Variants in STK39 observed in about 807,000 individuals in gnomAD.
STK39 encodes serine/threonine kinase 39.
A neutral mutation model predicts 77.8 loss-of-function variants in STK39; 20 were observed. The ratio of observed to expected loss-of-function variants is 0.26; its 90% confidence interval spans 0.18 to 0.37. STK39 has a LOEUF of 0.37. Among genes scored for constraint, STK39 ranks in the 10% least tolerant of loss-of-function variants. The probability of loss-of-function intolerance (pLI) is 1.00; values close to 1 mark genes in which losing one functional copy is unlikely to be tolerated. For missense variants in STK39, 479 were observed against 656.5 expected (o/e 0.73, Z 2.95); for synonymous variants, 246 against 234.1 (o/e 1.05, Z -0.47).
At chr2:168,234,052 T>C (rs10194006) in intron 1 of STK39, among the ~76,000 whole-genome samples, 55,268 of 152,148 alleles carry the variant, frequency 0.36, 10,420 homozygotes, top group Non-Finnish European at 0.43. Context: ...TGCAAATAGG[T>C]ACAGAGTGAA....
intron 10 of STK39, among the ~76,000 whole-genome samples, 196 bp downstream of exon 10, chr2:168,129,345 T>C (rs1687621842): frequency 6.6e-6 from 1 of 152,232 alleles, no homozygotes; most frequent in African/African-American, 2.4e-5. Flanking sequence ...GAGATTCAAA[T>C]TGTTTCCACA....
chr2:168,141,177 C>T (rs139211258), intron 5 of STK39, among the ~76,000 whole-genome samples: 2 of 152,114 alleles, frequency 1.3e-5, no homozygotes, highest in Non-Finnish European at 2.9e-5. Flanking sequence ...TTTTTCTTAA[C>T]TTTAACTCAT....
At chr2:168,036,377 TGTGCCTTTGGAGGAAAACAG>T (rs1419458532) in intron 14 of STK39, among the ~76,000 whole-genome samples, 1 of 141,180 alleles carries the variant, frequency 7.1e-6, no homozygotes, top group Non-Finnish European at 1.5e-5. Flanking sequence ...CATGTCATGA[TGTGCCTTTGGAGGAAAACAG>T]GTGCCACATT....
chr2:167,981,532 G>A (rs889518821), intron 16 of STK39, among the ~76,000 whole-genome samples: 1 of 152,172 alleles, frequency 6.6e-6, no homozygotes, highest in African/African-American at 2.4e-5. Context: ...GGTAGAAGAA[G>A]AGAAGAATTC....
At chr2:168,233,302 G>A (rs1574579276) in intron 1 of STK39, among the ~76,000 whole-genome samples, 2 of 152,222 alleles carry the variant, frequency 1.3e-5, no homozygotes, top group East Asian at 3.9e-4. Flanking sequence ...GCATATACAA[G>A]GAAAAATTTT....
chr2:168,206,234 C>T (rs1417209829), intron 1 of STK39, among the ~76,000 whole-genome samples: 1 of 152,088 alleles, frequency 6.6e-6, no homozygotes, highest in East Asian at 1.9e-4. Flanking sequence ...CTAGCACAAG[C>T]ACAGAAAAAC....
intron 10 of STK39, among the ~76,000 whole-genome samples, chr2:168,095,068 C>G (rs1430617166): frequency 6.6e-6 from 1 of 152,116 alleles, no homozygotes; most frequent in East Asian, 1.9e-4. Flanking sequence ...CTAGTACAGA[C>G]CCCCATCACC....
intron 4 of STK39, among the ~76,000 whole-genome samples, chr2:168,163,041 A>C (rs1045156988): frequency 1.3e-5 from 2 of 152,126 alleles, no homozygotes; most frequent in Non-Finnish European, 2.9e-5. Flanking sequence ...AAAAAAAGAA[A>C]AAGAAAAATA....
At chr2:168,053,157 C>T (rs899372216) in intron 14 of STK39, among the ~76,000 whole-genome samples, 6 of 152,248 alleles carry the variant, frequency 3.9e-5, no homozygotes, top group South Asian at 2.1e-4. Flanking sequence ...TTATATGATA[C>T]AATACTGAAA....
intron 14 of STK39, among the ~76,000 whole-genome samples, chr2:168,033,899 A>G (rs1432118590): frequency 1.3e-5 from 2 of 152,234 alleles, no homozygotes; most frequent in Non-Finnish European, 2.9e-5. Flanking sequence ...ACTTCATGGC[A>G]TAACTATGAG....
chr2:168,083,227 CCTT>C (rs1394913211), intron 10 of STK39, among the ~76,000 whole-genome samples: 40 of 147,788 alleles, frequency 2.7e-4, no homozygotes, highest in Admixed American at 1.2e-3. Context: ...TCCACATTCT[CCTT>C]TTTTTTTTTT....
chr2:168,081,093 C>T (rs527964009), intron 10 of STK39, among the ~76,000 whole-genome samples: 14 of 152,300 alleles, frequency 9.2e-5, no homozygotes, highest in African/African-American at 2.4e-4. Flanking sequence ...AGGCCCCACA[C>T]GGTCTCTATT....
intron 2 of STK39, among the ~76,000 whole-genome samples, chr2:168,176,326 AG>A (rs1384992294): frequency 1.3e-5 from 2 of 148,638 alleles, no homozygotes; most frequent in African/African-American, 5.1e-5. Context: ...TAAAAGGAAG[AG>A]AAAAAAAAAA....
intron 1 of STK39, among the ~76,000 whole-genome samples, chr2:168,215,130 T>C (rs1689994349): frequency 6.6e-6 from 1 of 152,160 alleles, no homozygotes; most frequent in Admixed American, 6.6e-5. Context: ...CAACAGTGTG[T>C]GCCAAACAAA....
At chr2:168,069,078 G>A (rs192310622) in intron 12 of STK39, among the ~76,000 whole-genome samples, 57 of 152,048 alleles carry the variant, frequency 3.7e-4, no homozygotes, top group African/African-American at 1.4e-3. Flanking sequence ...CACCATGCTC[G>A]GCTAATTTTT....
intron 12 of STK39, among the ~76,000 whole-genome samples, chr2:168,071,339 A>G (rs1685935215): frequency 6.6e-6 from 1 of 152,182 alleles, no homozygotes; most frequent in Admixed American, 6.5e-5. Context: ...AAAGAAACAC[A>G]AACTTCCATG....
At chr2:168,188,605 T>A (rs1208297866) in intron 1 of STK39, among the ~76,000 whole-genome samples, 1 of 152,158 alleles carries the variant, frequency 6.6e-6, no homozygotes, top group Non-Finnish European at 1.5e-5. Context: ...TTTTTCTACA[T>A]CAAAAATGTT....
At chr2:168,035,856 C>T (rs998221489) in intron 14 of STK39, among the ~76,000 whole-genome samples, 6 of 152,128 alleles carry the variant, frequency 3.9e-5, no homozygotes, top group Admixed American at 1.3e-4. Flanking sequence ...AAAATCCCTA[C>T]GCCATCACAC....
intron 16 of STK39, among the ~76,000 whole-genome samples, chr2:168,003,689 G>C (rs747059264): frequency 1.2e-4 from 19 of 152,060 alleles, no homozygotes; most frequent in Admixed American, 7.9e-4. Context: ...TTAACACATA[G>C]ACAACTTTTA....
Sources: gnomAD v4.1 joint callset for allele counts (sites outside exome capture counted in the v4.1 genomes callset) on GRCh38, gnomAD v4.1.1 for gene constraint, MANE v1.5 for transcripts, NCBI Gene and HGNC (gene_info 2026-07-23, HGNC 2026-07-21) for gene names.